FAM124A: variants seen among roughly 807,000 people sequenced by gnomAD.
FAM124A encodes protein FAM124A.
Under a neutral mutation model 24.5 loss-of-function variants are expected in FAM124A, and 23 were observed. The ratio of observed to expected loss-of-function variants is 0.94; its 90% CI spans 0.68 to 1.33. The LOEUF (loss-of-function observed/expected upper bound fraction) is 1.33, where lower values mean the gene tolerates loss of function less well. Ranked by LOEUF, FAM124A falls within the 40% of genes most tolerant of loss-of-function variation. The pLI, the probability that FAM124A is intolerant of heterozygous loss-of-function variation, is 0.00. For synonymous variants in FAM124A, 287 were observed against 314.7 expected (o/e 0.91, Z 0.93); for missense variants, 623 against 722.8 (o/e 0.86, Z 1.58).
chr13:51,248,696 C>T (rs1954589767), intron 2 of FAM124A, among the ~76,000 whole-genome samples: 1 of 152,216 alleles, frequency 6.6e-6, no homozygotes, highest in Non-Finnish European at 1.5e-5. Flanking sequence ...CAAGCCAAAA[C>T]ACATGCCACT....
At chr13:51,227,108 T>G (rs2137642221) in intron 1 of FAM124A, 1 of 152,340 alleles carries the variant, frequency 6.6e-6, no homozygotes, top group African/African-American at 2.4e-5. Flanking sequence ...ATAAAAATGG[T>G]GAACTCAAGA....
At chr13:51,235,026 G>T (rs1001782848) in intron 2 of FAM124A, among the ~76,000 whole-genome samples, 1 of 152,146 alleles carries the variant, frequency 6.6e-6, no homozygotes, top group Admixed American at 6.5e-5. Flanking sequence ...CTCTGTCCCC[G>T]TCCAGATCCG....
chr13:51,234,601 C>G (rs929000052), intron 2 of FAM124A, among the ~76,000 whole-genome samples: 16 of 151,988 alleles, frequency 1.1e-4, no homozygotes, highest in Non-Finnish European at 5.9e-5. Flanking sequence ...AAGGGCCCTT[C>G]CAGAAGCTCT....
At chr13:51,275,209 CAAAAAA>C (rs34573330) in intron 3 of FAM124A, among the ~76,000 whole-genome samples, 3 of 101,942 alleles carry the variant, frequency 2.9e-5, no homozygotes, top group Non-Finnish European at 6.5e-5. Context: ...CCTGTATATA[CAAAAAA>C]AAAAAAAAAA....
intron 3 of FAM124A, among the ~76,000 whole-genome samples, chr13:51,262,260 C>T (rs748793118): frequency 2.9e-4 from 44 of 152,160 alleles, no homozygotes; most frequent in Non-Finnish European, 5.3e-4. Flanking sequence ...CTGAATTTTC[C>T]CCCATGTTAG....
intron 2 of FAM124A, among the ~76,000 whole-genome samples, chr13:51,231,887 A>T (rs1319794371): frequency 1.3e-5 from 2 of 152,262 alleles, no homozygotes; most frequent in African/African-American, 2.4e-5. Context: ...CTAAAGTGGA[A>T]AAGTGATAGC....
chr13:51,231,195 T>G (rs1034994471), intron 1 of FAM124A, among the ~76,000 whole-genome samples, 153 bp from the exon 2 acceptor site: 1 of 152,258 alleles, frequency 6.6e-6, no homozygotes, highest in Non-Finnish European at 1.5e-5. Flanking sequence ...GACATAACTT[T>G]ATTTTGCATA....
At chr13:51,259,065 G>T (rs1348055873) in intron 3 of FAM124A, among the ~76,000 whole-genome samples, 3 of 152,124 alleles carry the variant, frequency 2.0e-5, no homozygotes, top group Non-Finnish European at 2.9e-5. Flanking sequence ...TCAGGAACAG[G>T]CAAATCATGC....
intron 2 of FAM124A, among the ~76,000 whole-genome samples, chr13:51,240,711 A>G (rs1954481386): frequency 6.6e-6 from 1 of 152,226 alleles, no homozygotes; most frequent in Non-Finnish European, 1.5e-5. Flanking sequence ...ATGAATTTTC[A>G]GTCACCAACT....
At chr13:51,264,827 C>T (rs1214607166) in intron 3 of FAM124A, among the ~76,000 whole-genome samples, 2 of 152,168 alleles carry the variant, frequency 1.3e-5, no homozygotes, top group Non-Finnish European at 2.9e-5. Context: ...TTACTAAGCA[C>T]ATATTTGCAC....
chr13:51,269,783 A>T (rs1954822145), intron 3 of FAM124A, among the ~76,000 whole-genome samples: 1 of 152,216 alleles, frequency 6.6e-6, no homozygotes, highest in South Asian at 2.1e-4. Flanking sequence ...ACTTTAATTA[A>T]TTGCATGTTA....
chr13:51,223,796 A>G (rs1954287949), intron 1 of FAM124A, among the ~76,000 whole-genome samples: 1 of 150,574 alleles, frequency 6.6e-6, no homozygotes, highest in African/African-American at 2.4e-5. Flanking sequence ...TCTTCTTCCC[A>G]CTCTTTGTGT....
chr13:51,229,382 C>A (rs1954350251), intron 1 of FAM124A, among the ~76,000 whole-genome samples: 1 of 152,194 alleles, frequency 6.6e-6, no homozygotes, highest in African/African-American at 2.4e-5. Context: ...CCCTTAGTCT[C>A]TAGAAACGTG....
chr13:51,241,516 T>C (rs1954493977), intron 2 of FAM124A, among the ~76,000 whole-genome samples: 1 of 152,132 alleles, frequency 6.6e-6, no homozygotes. Flanking sequence ...GTTTGTTCTC[T>C]TTCTAGACCC....
At chr13:51,223,323 G>A (rs1954281412) in intron 1 of FAM124A, among the ~76,000 whole-genome samples, 1 of 152,098 alleles carries the variant, frequency 6.6e-6, no homozygotes, top group Non-Finnish European at 1.5e-5. Flanking sequence ...TGCCTTTTAG[G>A]AGATGAATGT....
intron 2 of FAM124A, among the ~76,000 whole-genome samples, chr13:51,249,949 A>C (rs1311183624): frequency 6.6e-6 from 1 of 152,220 alleles, no homozygotes; most frequent in East Asian, 1.9e-4. Context: ...GGCATACATA[A>C]TTAGTGCCAG....
rs1415361426 is a variant in FAM124A at position 51,253,801 on chromosome 13, G to GGTGCA, written c.834+1602_834+1606dup. Among the ~76,000 whole-genome samples, 4 of 152,320 alleles carry GGTGCA rather than the reference G, an allele frequency of 2.6e-5. No individual in the cohort carries two copies. The East Asian group carries it at 7.7e-4, about 29-fold the overall frequency. On this transcript the variant is annotated intron_variant, in intron 3 of 3. Coordinates refer to ENST00000322475, the MANE Select transcript of FAM124A (RefSeq NM_001242312.2). ...TTTAAATGGCTATAAACTCTATACA[G>GGTGCA]GTGCAGGCTTTTGAAGTTAGAACAA...
intron 2 of FAM124A, among the ~76,000 whole-genome samples, chr13:51,234,451 TAA>T (rs1244573910): frequency 1.3e-5 from 2 of 152,318 alleles, no homozygotes; most frequent in Admixed American, 6.5e-5. Context: ...GCGAAAGGTA[TAA>T]GAGTGGTGGC....
Position 51,246,706 on chromosome 13 carries a change from C to T in FAM124A, c.101-4762C>T, listed in dbSNP as rs190572000. ...GGTGGAATGCCTTTCAGCTCACCCC[C>T]CTGCTCTGAGGCCGGGCATTTCGCC... On this transcript the variant is annotated intron_variant, in intron 2 of 3. Transcript: ENST00000322475. Among the ~76,000 whole-genome samples the T allele has an allele frequency of 1.6e-4, 24 of 152,302 alleles. No homozygotes were observed. In the East Asian group the frequency reaches 3.9e-3, roughly 25 times the overall value.
Sources: gnomAD v4.1 joint callset for allele counts (sites outside exome capture counted in the v4.1 genomes callset) on GRCh38, gnomAD v4.1.1 for gene constraint, MANE v1.5 for transcripts, NCBI Gene and HGNC (gene_info 2026-07-23, HGNC 2026-07-21) for gene names.